Variants in CFAP20DC observed in about 807,000 individuals in gnomAD.
The protein encoded by CFAP20DC is protein CFAP20DC.
Under a neutral mutation model 101.7 loss-of-function variants are expected in CFAP20DC, and 84 were observed. That is an observed-to-expected ratio of 0.83 (90% CI 0.69 to 0.99). The LOEUF (loss-of-function observed/expected upper bound fraction) is 0.99, where lower values mean the gene tolerates loss of function less well. Among genes scored for constraint, CFAP20DC ranks in the 50% least tolerant of loss-of-function variants. The pLI is 0.00. For synonymous variants in CFAP20DC, 359 were observed against 351.2 expected, an observed-to-expected ratio of 1.02 and a Z score of -0.25; for missense variants, 1,007 against 970.3, an observed-to-expected ratio of 1.04 and a Z score of -0.50.
chr3:58,963,020 G>T (rs2091263459), intron 4 of CFAP20DC, among the ~76,000 whole-genome samples: 1 of 151,962 alleles, frequency 6.6e-6, no homozygotes, highest in East Asian at 1.9e-4. Context: ...AACACAGGCA[G>T]AGTCATGGGG....
intron 15 of CFAP20DC, among the ~76,000 whole-genome samples, chr3:58,784,047 A>ATT (rs35439333): frequency 0.062 from 8,756 of 141,980 alleles, 515 homozygotes; most frequent in East Asian, 0.36. Flanking sequence ...TATTGTTGCC[A>ATT]TTTTTTTTTT....
At chr3:58,879,972 A>C (rs2081102132) in intron 7 of CFAP20DC, among the ~76,000 whole-genome samples, 1 of 151,878 alleles carries the variant, frequency 6.6e-6, no homozygotes, top group African/African-American at 2.4e-5. Context: ...ATATATTTTA[A>C]TTAAAAATAT....
At chr3:58,773,349 A>C (rs2071027787) in intron 15 of CFAP20DC, among the ~76,000 whole-genome samples, 1 of 151,392 alleles carries the variant, frequency 6.6e-6, no homozygotes, top group South Asian at 2.1e-4. Flanking sequence ...CCCGGAGTTC[A>C]AGACCAGCAT....
At position 59,006,126 on chromosome 3, in the gene CFAP20DC, T is replaced by G. The variant is rs1320203591; in HGVS notation, c.278+33431A>C. ...ATGTATATATACACACATCTATACA[T>G]GGAAGGATGGATGGATGGATGGATG... On this transcript the variant is annotated intron_variant, in intron 4 of 16. Transcript: ENST00000482387. The surrounding 1 kb of genome is among the most constrained non-coding windows in gnomAD (Gnocchi z 4.3). Among the ~76,000 whole-genome samples the G allele has an allele frequency of 1.3e-5, 2 of 151,792 alleles. No homozygotes were observed. The highest frequency in any genetic ancestry group is 2.9e-5 in the Non-Finnish European group (2 of 68,028).
intron 4 of CFAP20DC, among the ~76,000 whole-genome samples, chr3:58,953,059 G>A (rs936506558): frequency 1.3e-5 from 2 of 152,112 alleles, no homozygotes; most frequent in Admixed American, 6.6e-5. Context: ...GGATGAAAAA[G>A]TGATACAGAC....
At chr3:58,778,182 C>T (rs535711128) in intron 15 of CFAP20DC, among the ~76,000 whole-genome samples, 3 of 152,202 alleles carry the variant, frequency 2.0e-5, no homozygotes, top group South Asian at 4.1e-4. Flanking sequence ...CAGCCACCCC[C>T]ACCTGCGCAT....
Position 58,867,718 on chromosome 3 carries a change from G to A in CFAP20DC, c.1135+99C>T, listed in dbSNP as rs2079812878. ...AGAACAGACATTTATATTTTAAATG[G>A]ATTGGTTCATAATCCTTTGAAATTT... On this transcript the variant is annotated intron_variant, in intron 10 of 16. Coordinates refer to ENST00000482387, the MANE Select transcript of CFAP20DC (RefSeq NM_001394063.1). 8.0e-6 allele frequency: 11 copies of A among 1,372,644 alleles called. No homozygotes were observed. The Admixed American group carries it at 1.5e-4, about 19-fold the overall frequency. The allele number at this position is 1,372,644 out of a possible 1,614,324, so 85.0% of individuals were successfully genotyped here. A position where few individuals can be genotyped will look rare whatever the true frequency, so the allele number is the denominator to read the frequency against.
At chr3:58,803,638 A>C (rs1389263040) in intron 15 of CFAP20DC, among the ~76,000 whole-genome samples, 1 of 152,176 alleles carries the variant, frequency 6.6e-6, no homozygotes, top group African/African-American at 2.4e-5. Flanking sequence ...TTATGGCCCA[A>C]TAATGCCTTC....
At chr3:58,924,307 T>TATGGATTTATGAGTAGCC (rs1019776791) in intron 5 of CFAP20DC, among the ~76,000 whole-genome samples, 1 of 152,150 alleles carries the variant, frequency 6.6e-6, no homozygotes, top group Non-Finnish European at 1.5e-5. Context: ...ATTGTTTAGC[T>TATGGATTTATGAGTAGCC]CCCATTTATG....
At chr3:58,798,487 G>A (rs1182616640) in intron 15 of CFAP20DC, among the ~76,000 whole-genome samples, 1 of 152,228 alleles carries the variant, frequency 6.6e-6, no homozygotes, top group Admixed American at 6.5e-5. Flanking sequence ...AAAGAAAGTG[G>A]TTTCTTGAAA....
At chr3:59,000,520 T>C (rs1211069413) in intron 4 of CFAP20DC, among the ~76,000 whole-genome samples, 11 of 152,074 alleles carry the variant, frequency 7.2e-5, no homozygotes, top group Admixed American at 5.2e-4. Context: ...TTTACCAAGG[T>C]AGACAGGGGA....
chr3:58,770,407 G>C lies in CFAP20DC; in HGVS notation c.2238-16544C>G, dbSNP rs570384408. On this transcript the variant is annotated intron_variant, in intron 15 of 16. Transcript: ENST00000482387. ...CGCCTTTGAGGAATTTGGACTACTG[G>C]GAACAGGTCACTAGACCAATATTTA... 4.1e-3 allele frequency among the ~76,000 whole-genome samples: 630 copies of C among 152,280 alleles called. 3 individuals are homozygous for C. Among genetic ancestry groups the C allele is most frequent in the Non-Finnish European group, 6.7e-3 (458 of 68,028 alleles).
intron 6 of CFAP20DC, among the ~76,000 whole-genome samples, chr3:58,906,586 T>C (rs566829438): frequency 6.6e-5 from 10 of 152,176 alleles, no homozygotes; most frequent in Non-Finnish European, 1.2e-4. Flanking sequence ...TTTCTACTCA[T>C]TGTCCTATTT....
At chr3:58,839,485 A>C (rs1254157446) in intron 13 of CFAP20DC, among the ~76,000 whole-genome samples, 2 of 152,230 alleles carry the variant, frequency 1.3e-5, no homozygotes, top group African/African-American at 4.8e-5. Flanking sequence ...AAAGCTTCTG[A>C]GTCAAGGATT....
chr3:58,869,574 G>T lies in CFAP20DC; in HGVS notation c.853-84C>A. ...AAGCTATATAGAAAACATAATATTT[G>T]GACCAATGAAGAGTGAGAAAAAAAC... On this transcript the variant is annotated intron_variant, in intron 8 of 16. Transcript: ENST00000482387. The surrounding 1 kb of genome is among the most constrained non-coding windows in gnomAD (Gnocchi z 4.3). 8.9e-7 allele frequency: 1 copy of T among 1,121,508 alleles called. No individual in the cohort carries two copies. The highest frequency in any genetic ancestry group is 1.2e-6 in the Non-Finnish European group (1 of 816,954). 69.5% of individuals were successfully genotyped at this position (1,121,508 alleles called of 1,614,324 possible).
chr3:58,861,481 T>A lies in CFAP20DC; in HGVS notation c.1593+2077A>T, dbSNP rs948583728. The A allele has an allele frequency of 1.4e-5, 13 of 918,990 alleles. No homozygotes were observed. The African/African-American group carries it at 2.3e-4, about 16-fold the overall frequency. The allele number at this position is 918,990 out of a possible 1,614,324, so 56.9% of individuals were successfully genotyped here. ...TATGTAGCCTAATTTCCCATTGATT[T>A]ATACAATTAATAAATAGAAGAAGCT... On this transcript the variant is annotated intron_variant, in intron 12 of 16. Transcript: ENST00000482387. The surrounding 1 kb of genome is among the most constrained non-coding windows in gnomAD (Gnocchi z 4.0).
At chr3:58,823,687 T>C (rs559183628) in intron 14 of CFAP20DC, among the ~76,000 whole-genome samples, 1 of 152,256 alleles carries the variant, frequency 6.6e-6, no homozygotes, top group East Asian at 1.9e-4. Flanking sequence ...CTGTAGTGTT[T>C]ATTCCAGCTC....
chr3:59,029,696 C>A (rs1560018556), intron 4 of CFAP20DC, among the ~76,000 whole-genome samples: 1 of 152,078 alleles, frequency 6.6e-6, no homozygotes, highest in East Asian at 1.9e-4. Context: ...TTTAGAAAGA[C>A]CACTCTACTG....
intron 4 of CFAP20DC, among the ~76,000 whole-genome samples, chr3:58,951,043 T>A (rs2090045632): frequency 6.6e-6 from 1 of 151,806 alleles, no homozygotes; most frequent in Non-Finnish European, 1.5e-5. Context: ...GAATCTACAA[T>A]GAACTCAAAC....
Sources: gnomAD v4.1 joint callset for allele counts (sites outside exome capture counted in the v4.1 genomes callset) on GRCh38, gnomAD v4.1.1 for gene constraint, Gnocchi (gnomAD v3.1) non-coding constraint, MANE v1.5 for transcripts, NCBI Gene and HGNC (gene_info 2026-07-23, HGNC 2026-07-21) for gene names.